The following FBXL2 variants were observed in gnomAD, a reference collection of about 807,000 sequenced individuals.
FBXL2 encodes F-box and leucine rich repeat protein 2.
In FBXL2, 38 loss-of-function variants were observed where a neutral mutation model predicts 69.2. The observed-to-expected ratio is 0.55, with a 90% CI of 0.42 to 0.72. The LOEUF (loss-of-function observed/expected upper bound fraction) is 0.72. Ranked by LOEUF, FBXL2 falls within the 30% of genes least tolerant of loss-of-function variation. The pLI is 0.00. For missense variants in FBXL2, 354 were observed against 520.3 expected (o/e 0.68, Z 3.11); for synonymous variants, 192 against 201.3 (o/e 0.95, Z 0.39).
rs144017157 is a variant in FBXL2, at chr3:33,363,387, A to G, written c.196-1238A>G. Among the ~76,000 whole-genome samples, 447 of 152,346 alleles carry G rather than the reference A, an allele frequency of 2.9e-3. 2 individuals carry two copies. The highest frequency in any genetic ancestry group is 5.5e-3 in the Non-Finnish European group (371 of 68,034). ...GGTGAATTCATCATGCTTACAGTTC[A>G]GTGCCAAGATTGCTGTTTTATAAAA... On this transcript the variant is annotated intron_variant, in intron 4 of 14. Coordinates refer to ENST00000484457, the MANE Select transcript of FBXL2 (RefSeq NM_012157.5).
At chr3:33,377,399 A>AGTGGT (rs2042712272) in intron 11 of FBXL2, 66 bp downstream of exon 11, 1 of 1,543,474 alleles carries the variant, frequency 6.5e-7, no homozygotes, top group African/African-American at 1.4e-5. Context: ...AGTGACTTGG[A>AGTGGT]GTGGTTTTGG....
rs191457782 is a variant in FBXL2, at chr3:33,284,210, C to T, written c.3+6695C>T. Among the ~76,000 whole-genome samples the T allele has an allele frequency of 5.1e-3, 784 of 152,352 alleles. 12 individuals are homozygous for T. Among genetic ancestry groups the T allele is most frequent in the African/African-American group, 0.017 (719 of 41,578 alleles). On this transcript the variant is annotated intron_variant, in intron 1 of 14. Transcript: ENST00000484457. ...TTAGTGCTATAAATTTCCCTCTACA[C>T]ACTGCTTTAAATGTGTCCCAGAGAT...
chr3:33,411,383 TATC>T, the FBXL2 span, among the ~76,000 whole-genome samples: 2 of 152,216 alleles, frequency 1.3e-5, no homozygotes, highest in Non-Finnish European at 2.9e-5. Flanking sequence ...ATGCTTTACA[TATC>T]ATAGAATGTC....
At chr3:33,412,321 A>G in the FBXL2 span, among the ~76,000 whole-genome samples, 32 of 152,180 alleles carry the variant, frequency 2.1e-4, no homozygotes, top group East Asian at 4.0e-3. Context: ...TCGGTTCTTT[A>G]TAATACGAGG....
chr3:33,301,013 A>G (rs1420109630), intron 2 of FBXL2, among the ~76,000 whole-genome samples: 1 of 151,782 alleles, frequency 6.6e-6, no homozygotes, highest in Non-Finnish European at 1.5e-5. Flanking sequence ...TTTCCTAGCT[A>G]CCCTTTCTAA....
At chr3:33,407,443 G>A (rs181683189), downstream of FBXL2, among the ~76,000 whole-genome samples, 85 of 152,106 alleles carry the variant, frequency 5.6e-4, no homozygotes, top group Non-Finnish European at 1.1e-3. Flanking sequence ...CCATTGGTGG[G>A]TCTTCAGCTG....
intron 2 of FBXL2, among the ~76,000 whole-genome samples, chr3:33,324,660 A>G (rs887403714): frequency 6.6e-6 from 1 of 152,112 alleles, no homozygotes; most frequent in Non-Finnish European, 1.5e-5. Flanking sequence ...CCATTGGTCT[A>G]TATATCTGTT....
intron 12 of FBXL2, chr3:33,393,296 A>T (rs1430992643): frequency 6.3e-7 from 1 of 1,588,624 alleles, no homozygotes; most frequent in South Asian, 1.2e-5. Flanking sequence ...AAGGAAAAAC[A>T]AATGATTTGA....
At chr3:33,311,838 A>T (rs2037229087) in intron 2 of FBXL2, among the ~76,000 whole-genome samples, 1 of 151,902 alleles carries the variant, frequency 6.6e-6, no homozygotes, top group Non-Finnish European at 1.5e-5. Flanking sequence ...GTTAGCCAGG[A>T]TGGTCTCGAT....
At chr3:33,351,824 A>G (rs2040846609) in intron 2 of FBXL2, among the ~76,000 whole-genome samples, 1 of 152,116 alleles carries the variant, frequency 6.6e-6, no homozygotes. Context: ...GGATGTTCGT[A>G]AAACCTGCTT....
intron 2 of FBXL2, among the ~76,000 whole-genome samples, chr3:33,348,445 C>T (rs1159127226): frequency 6.6e-6 from 1 of 152,046 alleles, no homozygotes; most frequent in Admixed American, 6.6e-5. Context: ...TAATGTGATT[C>T]CTCCAGTTTT....
chr3:33,402,156 A>G (rs532351477), intron 12 of FBXL2, among the ~76,000 whole-genome samples: 11 of 152,196 alleles, frequency 7.2e-5, no homozygotes, highest in Non-Finnish European at 1.3e-4. Context: ...ACTACTCTGC[A>G]TTAGTTCTGC....
At chr3:33,317,897 T>G (rs1171090778) in intron 2 of FBXL2, among the ~76,000 whole-genome samples, 1 of 152,204 alleles carries the variant, frequency 6.6e-6, no homozygotes, top group Non-Finnish European at 1.5e-5. Flanking sequence ...GCATTTTAGA[T>G]TTCAGATTTT....
At chr3:33,357,786 C>T (rs1028165629) in intron 2 of FBXL2, among the ~76,000 whole-genome samples, 25 of 152,264 alleles carry the variant, frequency 1.6e-4, no homozygotes, top group African/African-American at 5.8e-4. Flanking sequence ...ACCTCGGCCT[C>T]CCAAAGTGCT....
intron 2 of FBXL2, among the ~76,000 whole-genome samples, chr3:33,319,768 A>T (rs2038040127): frequency 6.6e-6 from 1 of 152,096 alleles, no homozygotes. Context: ...TATTCATTTG[A>T]TATTTGGTGC....
At chr3:33,336,724 G>A (rs1389779066) in intron 2 of FBXL2, among the ~76,000 whole-genome samples, 1 of 151,870 alleles carries the variant, frequency 6.6e-6, no homozygotes, top group Non-Finnish European at 1.5e-5. Context: ...GGCCAATATG[G>A]TGAAACTCCA....
At chr3:33,415,242 C>A in the FBXL2 span, among the ~76,000 whole-genome samples, 1 of 152,198 alleles carries the variant, frequency 6.6e-6, no homozygotes. Context: ...CTTGTCTCCA[C>A]TGATAAATGA....
chr3:33,321,896 T>C (rs2038255876), intron 2 of FBXL2, among the ~76,000 whole-genome samples: 1 of 152,134 alleles, frequency 6.6e-6, no homozygotes, highest in Non-Finnish European at 1.5e-5. Flanking sequence ...AATGTCATTA[T>C]CCAGTGCATG....
chr3:33,339,665 T>C (rs2039866956), intron 2 of FBXL2, among the ~76,000 whole-genome samples: 1 of 151,940 alleles, frequency 6.6e-6, no homozygotes, highest in African/African-American at 2.4e-5. Flanking sequence ...AATTTACCCA[T>C]GTAACAAACC....
Sources: gnomAD v4.1 joint callset for allele counts (sites outside exome capture counted in the v4.1 genomes callset) on GRCh38, gnomAD v4.1.1 for gene constraint, MANE v1.5 for transcripts, NCBI Gene and HGNC (gene_info 2026-07-23, HGNC 2026-07-21) for gene names.